Variants in EPHA3 observed in about 807,000 individuals in gnomAD.
EPHA3 encodes ephrin type-A receptor 3.
Under a neutral mutation model 107.1 loss-of-function variants are expected in EPHA3, and 42 were observed. The observed-to-expected ratio is 0.39, with a 90% CI of 0.31 to 0.51. The LOEUF (loss-of-function observed/expected upper bound fraction) is 0.51. EPHA3 is among the 20% of genes least tolerant of loss of function. The probability of loss-of-function intolerance (pLI) is 0.78; values close to 1 mark genes in which losing one functional copy is unlikely to be tolerated. For missense variants in EPHA3, 1,183 were observed against 1,211.2 expected (o/e 0.98, Z 0.35); for synonymous variants, 461 against 424.8 (o/e 1.09, Z -1.05).
rs117677040 is a variant in EPHA3 at position 89,176,440 on chromosome 3, T to C, written c.154-33420T>C. 2.4e-3 allele frequency among the ~76,000 whole-genome samples: 341 copies of C among 142,632 alleles called. 2 individuals are homozygous for C. Among genetic ancestry groups the C allele is most frequent in the South Asian group, 0.016 (75 of 4,588 alleles). The allele number at this position is 142,632 out of a possible 152,430, so 93.6% of individuals were successfully genotyped here. A position where few individuals can be genotyped will look rare whatever the true frequency, so the allele number is the denominator to read the frequency against. On this transcript the variant is annotated intron_variant, in intron 2 of 16. Coordinates refer to ENST00000336596, the MANE Select transcript of EPHA3 (RefSeq NM_005233.6). ...CCCACCCAGGAGGCAGAGGTTGCGG[T>C]GAGCCAAGGTTGCGCCACTCTACTC...
At chr3:89,187,252 A>G (rs534222262) in intron 2 of EPHA3, among the ~76,000 whole-genome samples, 1 of 149,934 alleles carries the variant, frequency 6.7e-6, no homozygotes, top group South Asian at 2.1e-4. Flanking sequence ...TATATTAATA[A>G]GTAATTAATA....
intron 13 of EPHA3, among the ~76,000 whole-genome samples, chr3:89,440,908 A>T (rs1484759338): frequency 3.3e-5 from 5 of 152,244 alleles, no homozygotes; most frequent in Admixed American, 6.5e-5. Context: ...TAAGAGTCCA[A>T]AATAATTAAC....
chr3:89,469,553 G>T (rs769534097), intron 15 of EPHA3, among the ~76,000 whole-genome samples: 1 of 152,158 alleles, frequency 6.6e-6, no homozygotes, highest in Non-Finnish European at 1.5e-5. Context: ...ACATAAGAGA[G>T]TAAGTTGAAG....
chr3:89,393,133 A>G (rs1280288666), intron 5 of EPHA3, among the ~76,000 whole-genome samples: 3 of 152,196 alleles, frequency 2.0e-5, no homozygotes, highest in Non-Finnish European at 1.5e-5. Context: ...GCGTGTATTA[A>G]AAGAGCAGAA....
rs760079016 is a variant in EPHA3 at position 89,449,286 on chromosome 3, C to T, written c.2408C>T (p.Ser803Leu). Residue 803 changes from serine to leucine, a missense_variant, in exon 14 of 17, where the codon TCA (serine) becomes TTA (leucine). Ser to Leu is a moderately radical substitution (Grantham distance 145). Coordinates refer to ENST00000336596, the MANE Select transcript of EPHA3 (RefSeq NM_005233.6). ...GCTATAGCCTACCGCAAGTTCACGT[C>T]AGCCAGCGATGTATGGAGTTATGGG... ...PEAIAYRKFT[S>L]ASDVWSYGIV... is the part of the protein sequence containing the mutation. 8.1e-6 allele frequency: 13 copies of T among 1,612,748 alleles called. 1 individual carries two copies. The Middle Eastern group carries it at 6.6e-4, about 82-fold the overall frequency.
At chr3:89,115,039 T>C (rs1214545362) in intron 1 of EPHA3, among the ~76,000 whole-genome samples, 1 of 152,098 alleles carries the variant, frequency 6.6e-6, no homozygotes, top group Non-Finnish European at 1.5e-5. Context: ...GTTCACCAGG[T>C]GACAGCCAGG....
intron 3 of EPHA3, among the ~76,000 whole-genome samples, chr3:89,284,070 AATG>A (rs1489113481): frequency 2.6e-5 from 4 of 152,168 alleles, no homozygotes; most frequent in African/African-American, 9.6e-5. Context: ...TGTATAAAAT[AATG>A]ATCAGAAACT....
At chr3:89,434,374 C>T (rs192093782) in intron 13 of EPHA3, among the ~76,000 whole-genome samples, 1 of 152,064 alleles carries the variant, frequency 6.6e-6, no homozygotes, top group South Asian at 2.1e-4. Context: ...CTTGCCACCA[C>T]GCCTGGCTAA....
At chr3:89,150,954 G>A (rs1704678657) in intron 2 of EPHA3, among the ~76,000 whole-genome samples, 1 of 151,984 alleles carries the variant, frequency 6.6e-6, no homozygotes. Flanking sequence ...TCCAGCCTGG[G>A]TGACAGAGTG....
At chr3:89,408,221 A>C in intron 9 of EPHA3, 90 bp downstream of exon 9, 1 of 1,262,198 alleles carries the variant, frequency 7.9e-7, no homozygotes, top group Non-Finnish European at 1.1e-6. Flanking sequence ...CTCCTGACAA[A>C]GAGACTTCAA....
chr3:89,193,969 C>G (rs561940000), intron 2 of EPHA3, among the ~76,000 whole-genome samples: 129 of 152,034 alleles, frequency 8.5e-4, no homozygotes, highest in Non-Finnish European at 1.3e-3. Context: ...TGCTTGTACA[C>G]ACATTCACAT....
At chr3:89,220,201 CAG>C (rs1704336831) in intron 3 of EPHA3, among the ~76,000 whole-genome samples, 1 of 152,144 alleles carries the variant, frequency 6.6e-6, no homozygotes, top group Non-Finnish European at 1.5e-5. Context: ...TTGTCCTTTA[CAG>C]ATATGTCTAT....
chr3:89,232,147 G>C (rs1264554383), intron 3 of EPHA3, among the ~76,000 whole-genome samples: 1 of 151,806 alleles, frequency 6.6e-6, no homozygotes, highest in Non-Finnish European at 1.5e-5. Flanking sequence ...AGCCCCAATG[G>C]GACCACAGTT....
chr3:89,276,031 C>A (rs1255606678), intron 3 of EPHA3, among the ~76,000 whole-genome samples: 3 of 151,830 alleles, frequency 2.0e-5, no homozygotes, highest in Non-Finnish European at 4.4e-5. Context: ...AGGCATAGTA[C>A]GGGGGAGAAA....
chr3:89,226,783 T>A (rs1704512600), intron 3 of EPHA3, among the ~76,000 whole-genome samples: 1 of 152,104 alleles, frequency 6.6e-6, no homozygotes, highest in South Asian at 2.1e-4. Context: ...TTTTATCATG[T>A]AGAAAACCAG....
At chr3:89,229,859 T>C (rs1292713040) in intron 3 of EPHA3, among the ~76,000 whole-genome samples, 2 of 152,062 alleles carry the variant, frequency 1.3e-5, no homozygotes, top group Admixed American at 1.3e-4. Context: ...ATGGATGACA[T>C]TGAGTTACAA....
chr3:89,409,601 T>C (rs1237967496), intron 9 of EPHA3, among the ~76,000 whole-genome samples: 1 of 152,018 alleles, frequency 6.6e-6, no homozygotes, highest in African/African-American at 2.4e-5. Flanking sequence ...AAATGCACAA[T>C]ATCCTTATGA....
intron 3 of EPHA3, among the ~76,000 whole-genome samples, chr3:89,321,223 G>T (rs1349971750): frequency 2.0e-5 from 3 of 151,942 alleles, no homozygotes; most frequent in Non-Finnish European, 4.4e-5. Context: ...GAAGAAGGAA[G>T]GTCTTTTGGC....
intron 1 of EPHA3, among the ~76,000 whole-genome samples, chr3:89,121,970 A>G (rs1396348089): frequency 6.6e-6 from 1 of 152,182 alleles, no homozygotes; most frequent in Non-Finnish European, 1.5e-5. Flanking sequence ...AATTCCTATC[A>G]GAAAATATAG....
Sources: allele counts gnomAD v4.1 joint callset (sites outside exome capture counted in the v4.1 genomes callset), GRCh38; gene constraint gnomAD v4.1.1; transcripts MANE v1.5; gene names NCBI Gene and HGNC (gene_info 2026-07-23, HGNC 2026-07-21).